The following DOCK1 variants were observed in gnomAD, a reference collection of about 807,000 sequenced individuals.
DOCK1 encodes dedicator of cytokinesis 1, also known as dedicator of cytokinesis protein 1.
Under a neutral mutation model 262.7 loss-of-function variants are expected in DOCK1, and 138 were observed. The ratio of observed to expected loss-of-function variants is 0.53; its 90% CI spans 0.46 to 0.61. The LOEUF (loss-of-function observed/expected upper bound fraction) is 0.61. DOCK1 is among the 20% of genes least tolerant of loss of function. DOCK1 has a pLI of 0.00. For synonymous variants in DOCK1, 866 were observed against 867.4 expected (o/e 1.00, Z 0.03); for missense variants, 1,908 against 2,370.7 (o/e 0.80, Z 4.05).
intron 46 of DOCK1, among the ~76,000 whole-genome samples, chr10:127,425,534 A>G (rs763381089): frequency 2.0e-4 from 30 of 152,368 alleles, no homozygotes; most frequent in Admixed American, 9.1e-4. Context: ...GCACTCTGAC[A>G]TGACCCTTTG....
At position 127,446,480 on chromosome 10, in the gene DOCK1, C is replaced by G. The variant is rs1396134696; in HGVS notation, c.5414-914C>G. ...CAAATTTTATGTCGTGTATATCTTA[C>G]CACAATAATAGCAAAGAAGTAGGCA... On this transcript the variant is annotated intron_variant, in intron 50 of 51. Transcript: ENST00000623213. The surrounding 1 kb of genome is among the most constrained non-coding windows in gnomAD (Gnocchi z 4.4). 1.3e-5 allele frequency among the ~76,000 whole-genome samples: 2 copies of G among 152,086 alleles called. No individual in the cohort carries two copies. The highest frequency in any genetic ancestry group is 2.9e-5 in the Non-Finnish European group (2 of 68,018).
chr10:127,039,436 C>T (rs578141478), intron 19 of DOCK1, among the ~76,000 whole-genome samples: 48 of 152,298 alleles, frequency 3.2e-4, no homozygotes, highest in African/African-American at 1.2e-3. Context: ...GATCTTGTCC[C>T]GTCATTCTCC....
chr10:126,959,168 T>C (rs1193851408), intron 1 of DOCK1, among the ~76,000 whole-genome samples: 2 of 152,174 alleles, frequency 1.3e-5, no homozygotes, highest in African/African-American at 4.8e-5. Context: ...CAATGTTCTT[T>C]TGAAGTCTTA....
chr10:127,316,092 G>A (rs570499033), intron 29 of DOCK1, among the ~76,000 whole-genome samples: 1 of 152,280 alleles, frequency 6.6e-6, no homozygotes, highest in East Asian at 1.9e-4. Flanking sequence ...ACGTAGTGAA[G>A]TGATGGCTAC....
chr10:127,441,308 C>T (rs1250807522), intron 49 of DOCK1, among the ~76,000 whole-genome samples: 1 of 152,214 alleles, frequency 6.6e-6, no homozygotes, highest in Non-Finnish European at 1.5e-5. Flanking sequence ...CCCACGAGGG[C>T]TGCCTCCCCA....
intron 38 of DOCK1, among the ~76,000 whole-genome samples, chr10:127,385,973 T>C (rs1441767982): frequency 6.6e-6 from 1 of 152,116 alleles, no homozygotes; most frequent in Non-Finnish European, 1.5e-5. Context: ...CCAAATAAGG[T>C]CAGATTCAGA....
chr10:127,352,462 T>C (rs142865815), intron 31 of DOCK1, among the ~76,000 whole-genome samples: 1 of 152,244 alleles, frequency 6.6e-6, no homozygotes, highest in African/African-American at 2.4e-5. Flanking sequence ...CTGAGTATCA[T>C]GTACTTTAGG....
At chr10:127,015,198 A>ATTT (rs750154587) in intron 12 of DOCK1, 7,564 of 99,384 alleles carry the variant, frequency 0.076, 282 homozygotes, top group African/African-American at 0.12. Context: ...AAAATATTTA[A>ATTT]AAAAAAAAAG....
intron 27 of DOCK1, among the ~76,000 whole-genome samples, chr10:127,166,069 A>G (rs1405602949): frequency 6.6e-6 from 1 of 151,580 alleles, no homozygotes; most frequent in Non-Finnish European, 1.5e-5. Context: ...TTTCTTATTT[A>G]TTTATTTATT....
intron 49 of DOCK1, among the ~76,000 whole-genome samples, chr10:127,442,113 C>G (rs941025607): frequency 6.6e-6 from 1 of 151,930 alleles, no homozygotes; most frequent in African/African-American, 2.4e-5. Flanking sequence ...CGCTTGGCTC[C>G]CCCGACAGCA....
intron 1 of DOCK1, among the ~76,000 whole-genome samples, chr10:126,938,811 A>T (rs2034741875): frequency 3.9e-5 from 2 of 50,828 alleles, no homozygotes; most frequent in African/African-American, 1.3e-4. Context: ...ACCGGAGGGG[A>T]TGAACACAGG....
At chr10:127,330,057 G>T (rs2062910190) in intron 29 of DOCK1, among the ~76,000 whole-genome samples, 1 of 152,090 alleles carries the variant, frequency 6.6e-6, no homozygotes, top group East Asian at 1.9e-4. Flanking sequence ...ACTCCGCGTT[G>T]GGGCTCCTAG....
At chr10:127,367,990 C>G (rs2065017453) in intron 33 of DOCK1, among the ~76,000 whole-genome samples, 1 of 152,162 alleles carries the variant, frequency 6.6e-6, no homozygotes, top group Non-Finnish European at 1.5e-5. Context: ...GTCAGCCACC[C>G]CCTCCATCAC....
At chr10:126,938,277 A>G (rs1289606024) in intron 1 of DOCK1, among the ~76,000 whole-genome samples, 1 of 151,888 alleles carries the variant, frequency 6.6e-6, no homozygotes, top group Admixed American at 6.6e-5. Context: ...CAAACTCCCG[A>G]CCTCAGGTGA....
At chr10:127,227,433 C>G (rs748589017) in intron 27 of DOCK1, among the ~76,000 whole-genome samples, 10 of 152,184 alleles carry the variant, frequency 6.6e-5, no homozygotes, top group Non-Finnish European at 5.9e-5. Context: ...CCTGAGCACC[C>G]ATCTGGCCTG....
chr10:126,951,738 A>G (rs967593963), intron 1 of DOCK1, among the ~76,000 whole-genome samples: 381 of 152,122 alleles, frequency 2.5e-3, no homozygotes, highest in Admixed American at 4.2e-3. Context: ...CAGAAGACCT[A>G]AGGACTTCCT....
rs901677620 is a variant in DOCK1 at position 126,950,019 on chromosome 10, G to A, written c.47-20683G>A. Among the ~76,000 whole-genome samples, 171 of 151,784 alleles carry A rather than the reference G, an allele frequency of 1.1e-3. 2 individuals are homozygous for A. In the Middle Eastern group the frequency reaches 0.02, roughly 18 times the overall value. ...GGTTTCTCCCACCTTCTAGACCTGC[G>A]TCTTTGAGGAGCCATCTAACATCCT... On this transcript the variant is annotated intron_variant, in intron 1 of 51. Transcript: ENST00000623213.
chr10:127,340,861 A>G (rs2063396141), intron 30 of DOCK1, among the ~76,000 whole-genome samples: 1 of 152,104 alleles, frequency 6.6e-6, no homozygotes, highest in Non-Finnish European at 1.5e-5. Context: ...TTCTCCTAAC[A>G]TTCGTATTTG....
chr10:127,292,839 CA>C (rs1490362409), intron 29 of DOCK1, among the ~76,000 whole-genome samples: 1 of 152,136 alleles, frequency 6.6e-6, no homozygotes, highest in Non-Finnish European at 1.5e-5. Flanking sequence ...AAGTGACATT[CA>C]ACCCGCCGAG....
Sources: allele counts gnomAD v4.1 joint callset (sites outside exome capture counted in the v4.1 genomes callset), GRCh38; gene constraint gnomAD v4.1.1; non-coding constraint Gnocchi (gnomAD v3.1); transcripts MANE v1.5; gene names NCBI Gene and HGNC (gene_info 2026-07-23, HGNC 2026-07-21).